PCDHGB3: variants seen among roughly 807,000 people sequenced by gnomAD.
PCDHGB3 encodes protocadherin gamma-B3.
A neutral mutation model predicts 59.2 loss-of-function variants in PCDHGB3; 40 were observed. The observed-to-expected ratio is 0.68, with a 90% CI of 0.52 to 0.88. PCDHGB3 has a LOEUF of 0.88. PCDHGB3 is among the 40% of genes least tolerant of loss of function. The pLI is 0.00. For synonymous variants in PCDHGB3, 581 were observed against 503.6 expected (o/e 1.15, Z -2.06); for missense variants, 1,309 against 1,187.9 (o/e 1.10, Z -1.50).
At chr5:141,374,300 C>A (rs746754972) in intron 1 of PCDHGB3, 38 of 1,613,830 alleles carry the variant, frequency 2.4e-5, no homozygotes, top group Non-Finnish European at 3.1e-5. Flanking sequence ...AGGTAGGATG[C>A]AGCTTTTCTC....
At position 141,477,056 on chromosome 5, in the gene PCDHGB3, G is replaced by T; in HGVS notation, c.2416-17751G>T. 6.2e-7 allele frequency: 1 copy of T among 1,614,242 alleles called. No homozygotes were observed. The highest frequency in any genetic ancestry group is 8.5e-7 in the Non-Finnish European group (1 of 1,180,046). Reference sequence around the variant, plus strand: ...AATCAAGGGTCGGCTGGACTTCGAGGACACCAAACTCCATGAGATTTACAT... The same window carrying T: ...AATCAAGGGTCGGCTGGACTTCGAGTACACCAAACTCCATGAGATTTACAT... On this transcript the variant is annotated intron_variant, in intron 1 of 3. Coordinates refer to ENST00000576222, the MANE Select transcript of PCDHGB3 (RefSeq NM_018924.5). This position sits in a 1 kb window ranked among gnomAD's most constrained non-coding sequence, Gnocchi z 4.9.
chr5:141,388,989 G>A (rs1460138722), intron 1 of PCDHGB3: 1 of 1,613,886 alleles, frequency 6.2e-7, no homozygotes, highest in African/African-American at 1.3e-5. Context: ...TTTGCTCAAA[G>A]TCCGTGACAA....
At chr5:141,501,983 C>T (rs957901405) in intron 2 of PCDHGB3, among the ~76,000 whole-genome samples, 1 of 152,068 alleles carries the variant, frequency 6.6e-6, no homozygotes, top group Non-Finnish European at 1.5e-5. Context: ...CATCTGGTCC[C>T]GTTGTCTCCC....
intron 1 of PCDHGB3, chr5:141,387,734 T>C: frequency 7.7e-7 from 1 of 1,302,214 alleles, no homozygotes; most frequent in East Asian, 2.5e-5. Context: ...GCGCCAGCCT[T>C]TACACCGCTT....
Position 141,370,892 on chromosome 5 carries a change from G to C in PCDHGB3, c.498G>C (p.Ser166=). The C allele has an allele frequency of 6.2e-7, 1 of 1,613,936 alleles. No individual in the cohort carries two copies. Among genetic ancestry groups the C allele is most frequent in the Non-Finnish European group, 8.5e-7 (1 of 1,179,896 alleles). ...AAGATCCTGATGTAGGTGTCAATTC[G>C]CTGCAGCAGTACTACCTCAGCCCTG... is the stretch of plus-strand genomic sequence containing the variant. ...SAQDPDVGVN[S]LQQYYLSPDP... The change falls in exon 1 of 4, where the codon TCG becomes TCC. Residue 166 remains serine (S), a synonymous_variant. Transcript: ENST00000576222.
chr5:141,422,508 C>T (rs2096653251), intron 1 of PCDHGB3: 1 of 1,613,984 alleles, frequency 6.2e-7, no homozygotes, highest in Non-Finnish European at 8.5e-7. Flanking sequence ...CAGCCACAGA[C>T]CAGGGAAGCC....
In PCDHGB3 at chr5:141,393,482, T is replaced by C. The variant is rs116240246; in HGVS notation, c.2415+20673T>C. The C allele has an allele frequency of 5.3e-4, 852 of 1,614,070 alleles. 7 individuals carry two copies. In the African/African-American group the frequency reaches 0.01, roughly 19 times the overall value. ...CGGATGGCGGCAAGCCGCCTCGCTC[T>C]AGCACAGTGCGCATCCACGTGACAG... is the stretch of plus-strand genomic sequence containing the variant. On this transcript the variant is annotated intron_variant, in intron 1 of 3. Coordinates refer to ENST00000576222, the MANE Select transcript of PCDHGB3 (RefSeq NM_018924.5).
intron 1 of PCDHGB3, among the ~76,000 whole-genome samples, chr5:141,436,522 C>T (rs933890051): frequency 3.9e-5 from 6 of 152,088 alleles, no homozygotes; most frequent in African/African-American, 1.4e-4. Context: ...ACTGTGTCAC[C>T]TTTAGCAAGT....
intron 1 of PCDHGB3, chr5:141,394,371 T>G: frequency 6.2e-7 from 1 of 1,614,174 alleles, no homozygotes; most frequent in Non-Finnish European, 8.5e-7. Context: ...GCTGCAATCT[T>G]TCGACTATGA....
chr5:141,413,198 C>G, intron 1 of PCDHGB3: 1 of 1,611,416 alleles, frequency 6.2e-7, no homozygotes, highest in Non-Finnish European at 8.5e-7. Context: ...AGGAATCGCT[C>G]AAAGGAATCA....
intron 1 of PCDHGB3, chr5:141,376,697 T>G (rs1773235579): frequency 1.5e-6 from 1 of 652,042 alleles, no homozygotes; most frequent in Non-Finnish European, 2.4e-6. Flanking sequence ...TTTTTTTTTT[T>G]GAGACGGAGT....
At chr5:141,392,689 C>T in intron 1 of PCDHGB3, 1 of 1,115,570 alleles carries the variant, frequency 9.0e-7, no homozygotes, top group Non-Finnish European at 1.2e-6. Context: ...CAGCGAAACC[C>T]GACCCCTGTT....
At chr5:141,388,295 C>T (rs766909730) in intron 1 of PCDHGB3, 3 of 1,613,442 alleles carry the variant, frequency 1.9e-6, no homozygotes, top group East Asian at 2.2e-5. Flanking sequence ...CGCAAAATTC[C>T]TTTGAGCTGC....
Position 141,510,979 on chromosome 5 carries a change from G to A in PCDHGB3, c.2596G>A (p.Gly866Ser). 6.2e-7 allele frequency: 1 copy of A among 1,614,156 alleles called. No homozygotes were observed. The highest frequency in any genetic ancestry group is 8.5e-7 in the Non-Finnish European group (1 of 1,180,018). Reference sequence around the variant, plus strand: ...TGATGGGAGCTCCACCCTGGGAGGGGGTGCCGGCACCATGGGATTGAGCGC... The same window carrying A: ...TGATGGGAGCTCCACCCTGGGAGGGAGTGCCGGCACCATGGGATTGAGCGC... ...AADGSSTLGG[G>S]AGTMGLSARY... The change falls in exon 4 of 4, where the codon GGT becomes AGT. Residue 866 changes from glycine (G) to serine (S), a missense_variant. Physicochemically the swap from Gly to Ser is moderately conservative, Grantham distance 56. Transcript: ENST00000576222.
intron 1 of PCDHGB3, chr5:141,389,125 C>T: frequency 6.2e-7 from 1 of 1,614,004 alleles, no homozygotes; most frequent in African/African-American, 1.3e-5. Flanking sequence ...GAGCAGAATC[C>T]AGAGTACAAT....
chr5:141,481,065 AAAAG>A (rs1476331686), intron 1 of PCDHGB3, among the ~76,000 whole-genome samples: 1 of 152,164 alleles, frequency 6.6e-6, no homozygotes, highest in Non-Finnish European at 1.5e-5. Flanking sequence ...CTCAAAAACA[AAAAG>A]AAAGAAAGAA....
intron 1 of PCDHGB3, chr5:141,378,405 C>T (rs1250518150): frequency 2.0e-5 from 3 of 152,298 alleles, no homozygotes; most frequent in Non-Finnish European, 4.4e-5. Context: ...GGCCTGTAAT[C>T]GCAGCTACTC....
intron 1 of PCDHGB3, among the ~76,000 whole-genome samples, chr5:141,434,530 A>G (rs1241680580): frequency 6.6e-6 from 1 of 152,226 alleles, no homozygotes; most frequent in African/African-American, 2.4e-5. Flanking sequence ...CTTAAACCAC[A>G]AACAATAGCA....
At chr5:141,421,206 G>A in intron 1 of PCDHGB3, 1 of 1,531,730 alleles carries the variant, frequency 6.5e-7, no homozygotes, top group Non-Finnish European at 8.8e-7. Context: ...AGAAACCGCG[G>A]AATATCGGCT....
Sources: gnomAD v4.1 joint callset for allele counts (sites outside exome capture counted in the v4.1 genomes callset) on GRCh38, gnomAD v4.1.1 for gene constraint, Gnocchi (gnomAD v3.1) non-coding constraint, MANE v1.5 for transcripts, NCBI Gene and HGNC (gene_info 2026-07-23, HGNC 2026-07-21) for gene names.